Variants in NALF1 observed in about 807,000 individuals in gnomAD.
NALF1 encodes NALCN channel auxiliary factor 1.
In NALF1, 3 loss-of-function variants were observed where a neutral mutation model predicts 48.4. The observed-to-expected ratio is 0.06, with a 90% CI of 0.03 to 0.16. NALF1 has a LOEUF of 0.16. Ranked by LOEUF, NALF1 falls within the 10% of genes least tolerant of loss-of-function variation. The probability of loss-of-function intolerance (pLI) is 1.00; values close to 1 mark genes in which losing one functional copy is unlikely to be tolerated. For missense variants in NALF1, 526 were observed against 571.5 expected (o/e 0.92, Z 0.81); for synonymous variants, 262 against 245.7 (o/e 1.07, Z -0.62).
rs565157671 is a variant in NALF1, at chr13:107,265,633, T to C, written c.916-54878A>G. Among the ~76,000 whole-genome samples the C allele has an allele frequency of 8.4e-4, 128 of 152,236 alleles. 2 individuals carry two copies. In the Middle Eastern group the frequency reaches 0.01, roughly 12 times the overall value. On this transcript the variant is annotated intron_variant, in intron 1 of 2. Transcript: ENST00000375915. Reference sequence around the variant, plus strand: ...GTTGGCCAAGCTGGTCACAAACTCCTGACCTCAGGTGATCCACCCGTCTTG... The same window carrying C: ...GTTGGCCAAGCTGGTCACAAACTCCCGACCTCAGGTGATCCACCCGTCTTG...
chr13:107,643,547 G>GT (rs1880222033), intron 1 of NALF1, among the ~76,000 whole-genome samples: 4 of 149,986 alleles, frequency 2.7e-5, no homozygotes, highest in South Asian at 2.2e-4. Context: ...TTTGGTGGGG[G>GT]GGGGGTGAAA....
chr13:107,344,724 T>A (rs1033212429), intron 1 of NALF1, among the ~76,000 whole-genome samples: 3 of 152,174 alleles, frequency 2.0e-5, no homozygotes, highest in Non-Finnish European at 4.4e-5. Flanking sequence ...GGTATCATTA[T>A]ATTCAATGGT....
intron 1 of NALF1, among the ~76,000 whole-genome samples, chr13:107,311,567 T>A (rs976647983): frequency 1.3e-5 from 2 of 150,306 alleles, no homozygotes; most frequent in African/African-American, 2.4e-5. Flanking sequence ...ATAAATGATA[T>A]AATATAATAA....
intron 1 of NALF1, among the ~76,000 whole-genome samples, chr13:107,271,666 T>C (rs1221507426): frequency 1.3e-5 from 2 of 151,520 alleles, no homozygotes; most frequent in Non-Finnish European, 2.9e-5. Context: ...AAAATGAATA[T>C]ATAGTTTTCA....
At chr13:107,384,757 A>C (rs1028539536) in intron 1 of NALF1, among the ~76,000 whole-genome samples, 2 of 152,230 alleles carry the variant, frequency 1.3e-5, no homozygotes, top group African/African-American at 2.4e-5. Context: ...GGTGGTGAAC[A>C]AAAATCTGAA....
intron 1 of NALF1, among the ~76,000 whole-genome samples, chr13:107,566,342 CAG>C (rs1461034405): frequency 6.6e-6 from 1 of 152,186 alleles, no homozygotes; most frequent in Non-Finnish European, 1.5e-5. Context: ...GCTACCATAA[CAG>C]AGAGGTGAGG....
chr13:107,466,723 G>A (rs1885009958), intron 1 of NALF1: 1 of 152,172 alleles, frequency 6.6e-6, no homozygotes, highest in Non-Finnish European at 1.5e-5. Flanking sequence ...TGATAATTCA[G>A]AAGCACATTT....
At chr13:107,756,438 T>TAC (rs1374969809) in intron 1 of NALF1, among the ~76,000 whole-genome samples, 1 of 146,542 alleles carries the variant, frequency 6.8e-6, no homozygotes, top group Non-Finnish European at 1.5e-5. Flanking sequence ...TTAATGGCTA[T>TAC]ATATATATAT....
chr13:107,424,565 C>T (rs1157608841), intron 1 of NALF1, among the ~76,000 whole-genome samples: 2 of 151,368 alleles, frequency 1.3e-5, no homozygotes, highest in East Asian at 1.9e-4. Context: ...CAACCATGTA[C>T]TTGAGAATAA....
chr13:107,846,235 G>A (rs956126772), intron 1 of NALF1, among the ~76,000 whole-genome samples: 1 of 152,136 alleles, frequency 6.6e-6, no homozygotes, highest in Non-Finnish European at 1.5e-5. Flanking sequence ...GTATGGCCCT[G>A]TGTCTTTTTT....
At chr13:107,859,830 G>A (rs552935413) in intron 1 of NALF1, among the ~76,000 whole-genome samples, 3 of 148,148 alleles carry the variant, frequency 2.0e-5, no homozygotes, top group East Asian at 2.0e-4. Flanking sequence ...CAGGAGAATC[G>A]CTTGAACTCA....
intron 1 of NALF1, among the ~76,000 whole-genome samples, chr13:107,682,233 A>G (rs1255220245): frequency 6.6e-6 from 1 of 152,228 alleles, no homozygotes; most frequent in Non-Finnish European, 1.5e-5. Flanking sequence ...TTTGAGAAGA[A>G]GAGGAAAAAC....
rs545038650 is a variant in NALF1, at chr13:107,581,127, GT to G, written c.915+284554del. Among the ~76,000 whole-genome samples the G allele has an allele frequency of 1.2e-4, 19 of 152,248 alleles. No individual in the cohort carries two copies. The East Asian group carries it at 3.5e-3, about 28-fold the overall frequency. ...GAGTTACGTCTCCTGTTTTGTTCAC[GT>G]TGTTTGTTCCTCGGACGCATTTTGA... On this transcript the variant is annotated intron_variant, in intron 1 of 2. Transcript: ENST00000375915.
rs1880740752 is a variant in NALF1, at chr13:107,866,651, G to A, written c.-55C>T. 1.4e-6 allele frequency: 2 copies of A among 1,462,164 alleles called. No homozygotes were observed. Among genetic ancestry groups the A allele is most frequent in the East Asian group, 2.3e-5 (1 of 44,182 alleles). 90.6% of individuals were successfully genotyped at this position (1,462,164 alleles called of 1,614,324 possible). A position where few individuals can be genotyped will look rare whatever the true frequency, so the allele number is the denominator to read the frequency against. ...CCACCGTGAGGGCGCCTGTGCCGGT[G>A]TCACCACAATATGCATTGACTTAAA... is the stretch of plus-strand genomic sequence containing the variant. On this transcript the variant is annotated 5_prime_UTR_variant, in exon 1 of 3. Coordinates refer to ENST00000375915, the MANE Select transcript of NALF1 (RefSeq NM_001080396.3). This position sits in a 1 kb window ranked among gnomAD's most constrained non-coding sequence, Gnocchi z 4.4.
intron 1 of NALF1, among the ~76,000 whole-genome samples, chr13:107,727,437 C>A (rs981639208): frequency 6.6e-6 from 1 of 152,094 alleles, no homozygotes; most frequent in African/African-American, 2.4e-5. Flanking sequence ...CTGTACACCC[C>A]TCTAGGACCT....
intron 2 of NALF1, among the ~76,000 whole-genome samples, chr13:107,191,851 T>TTTA (rs896430148): frequency 2.0e-5 from 3 of 148,858 alleles, no homozygotes; most frequent in African/African-American, 7.5e-5. Flanking sequence ...TTTTTTTTTT[T>TTTA]TTGTATTTTT....
chr13:107,365,673 C>T (rs1883140236), intron 1 of NALF1, among the ~76,000 whole-genome samples: 2 of 152,150 alleles, frequency 1.3e-5, no homozygotes, highest in South Asian at 4.1e-4. Flanking sequence ...TAAGTAGTAT[C>T]CCTGTAATCT....
At chr13:107,592,960 T>C (rs1045804662) in intron 1 of NALF1, among the ~76,000 whole-genome samples, 2 of 151,846 alleles carry the variant, frequency 1.3e-5, no homozygotes, top group Admixed American at 6.6e-5. Flanking sequence ...TAAAGAAATA[T>C]AAGCAAGCAT....
intron 1 of NALF1, among the ~76,000 whole-genome samples, chr13:107,367,445 C>T (rs1402784116): frequency 1.3e-5 from 2 of 152,110 alleles, no homozygotes; most frequent in African/African-American, 2.4e-5. Flanking sequence ...AAGTCTTGTC[C>T]TCATTTCCTG....
Sources: allele counts gnomAD v4.1 joint callset (sites outside exome capture counted in the v4.1 genomes callset), GRCh38; gene constraint gnomAD v4.1.1; non-coding constraint Gnocchi (gnomAD v3.1); transcripts MANE v1.5; gene names NCBI Gene and HGNC (gene_info 2026-07-23, HGNC 2026-07-21).